BRAF: variants seen among roughly 807,000 people sequenced by gnomAD.
The protein encoded by BRAF is B-Raf proto-oncogene, serine/threonine kinase.
A neutral mutation model predicts 104.6 loss-of-function variants in BRAF; 16 were observed. The observed-to-expected ratio is 0.15, with a 90% CI of 0.10 to 0.23. BRAF has a LOEUF of 0.23. BRAF is among the 10% of genes least tolerant of loss of function. BRAF has a pLI of 1.00. For synonymous variants in BRAF, 310 were observed against 341.6 expected (o/e 0.91, Z 1.02); for missense variants, 541 against 937.3 (o/e 0.58, Z 5.52).
chr7:140,785,268 TTTAA>T (rs1239121292), intron 10 of BRAF, among the ~76,000 whole-genome samples: 1 of 152,146 alleles, frequency 6.6e-6, no homozygotes, highest in Non-Finnish European at 1.5e-5. Context: ...CCATTGACAC[TTTAA>T]TTTTCTTAAA....
chr7:140,787,129 G>A (rs1221118070), intron 9 of BRAF, among the ~76,000 whole-genome samples: 5 of 151,510 alleles, frequency 3.3e-5, no homozygotes, highest in African/African-American at 4.8e-5. Flanking sequence ...GTGAAACCCC[G>A]TCTCTACTAA....
intron 1 of BRAF, among the ~76,000 whole-genome samples, chr7:140,870,892 CTT>C (rs1226645825): frequency 5.5e-5 from 8 of 144,978 alleles, no homozygotes; most frequent in Non-Finnish European, 9.1e-5. Context: ...AAAAAAAAGA[CTT>C]TTAACAAATT....
intron 1 of BRAF, among the ~76,000 whole-genome samples, chr7:140,910,885 A>G (rs1816895315): frequency 6.6e-6 from 1 of 151,938 alleles, no homozygotes; most frequent in Non-Finnish European, 1.5e-5. Context: ...GGCTGATCTC[A>G]AAGTCCTGGC....
At chr7:140,772,362 T>A (rs1279181566) in intron 14 of BRAF, among the ~76,000 whole-genome samples, 1 of 152,072 alleles carries the variant, frequency 6.6e-6, no homozygotes. Context: ...GTGGCTTACA[T>A]CTGTAGTCCC....
intron 1 of BRAF, among the ~76,000 whole-genome samples, chr7:140,908,758 A>T (rs933213320): frequency 6.6e-6 from 1 of 152,132 alleles, no homozygotes. Context: ...GTCCCATCTA[A>T]AACTGAGGTT....
At chr7:140,742,118 T>A (rs942913662) in intron 17 of BRAF, among the ~76,000 whole-genome samples, 3 of 152,158 alleles carry the variant, frequency 2.0e-5, no homozygotes, top group Non-Finnish European at 2.9e-5. Context: ...TCTATAGTCT[T>A]TAAATTAGAG....
intron 5 of BRAF, among the ~76,000 whole-genome samples, chr7:140,805,394 C>A (rs1803557575): frequency 6.6e-6 from 1 of 152,030 alleles, no homozygotes. Context: ...ATTCACCAAA[C>A]CAAGTAGGTA....
intron 2 of BRAF, among the ~76,000 whole-genome samples, chr7:140,848,419 A>G (rs1207238542): frequency 6.6e-6 from 1 of 152,240 alleles, no homozygotes; most frequent in African/African-American, 2.4e-5. Flanking sequence ...GAGTTAAGCA[A>G]TAAAATACAT....
rs192279738 is a variant in BRAF, at chr7:140,901,018, C to A, written c.138+23548G>T. Among the ~76,000 whole-genome samples, 158 of 152,302 alleles carry A rather than the reference C, an allele frequency of 1.0e-3. 1 individual carries two copies. The highest frequency in any genetic ancestry group is 3.7e-3 in the African/African-American group (154 of 41,552). ...CCCTCTCTGCTCAGTTGGGTAACTG[C>A]TCTTTGGACAGCACTCAGCAGTAGA... On this transcript the variant is annotated intron_variant, in intron 1 of 19. Transcript: ENST00000644969.
intron 18 of BRAF, among the ~76,000 whole-genome samples, chr7:140,739,295 G>C (rs990137074): frequency 6.6e-6 from 1 of 152,140 alleles, no homozygotes; most frequent in South Asian, 2.1e-4. Flanking sequence ...ATTGCAATGT[G>C]AGTGCAAAAG....
chr7:140,828,749 T>C (rs1251436054), intron 3 of BRAF, among the ~76,000 whole-genome samples: 1 of 152,336 alleles, frequency 6.6e-6, no homozygotes, highest in East Asian at 1.9e-4. Context: ...GGTGCTTTTA[T>C]GTGCTAAATT....
At chr7:140,747,154 A>G (rs1046880563) in intron 17 of BRAF, among the ~76,000 whole-genome samples, 3 of 152,234 alleles carry the variant, frequency 2.0e-5, no homozygotes, top group African/African-American at 7.2e-5. Flanking sequence ...GAGGATGGCC[A>G]GAGTTAACCC....
rs11360482 is a variant in BRAF at position 140,739,519 on chromosome 7, T to TG, written c.2247+292dup. On this transcript the variant is annotated intron_variant, in intron 18 of 19. Transcript: ENST00000644969. ...AACTTATATAAACAAAAGCTCTTTG[T>TG]GGGGGGGGGGGTCTTCGATAATTTT... Among the ~76,000 whole-genome samples, 1,525 of 135,166 alleles carry TG rather than the reference T, an allele frequency of 0.011. 22 individuals are homozygous for TG. Among genetic ancestry groups the TG allele is most frequent in the East Asian group, 0.06 (256 of 4,238 alleles). 88.7% of individuals were successfully genotyped at this position (135,166 alleles called of 152,430 possible).
Position 140,721,439 on chromosome 7 carries a change from A to T in BRAF, c.*5055T>A. 2 of 1,255,810 alleles carry T rather than the reference A, an allele frequency of 1.6e-6. No individual in the cohort carries two copies. Among genetic ancestry groups the T allele is most frequent in the Non-Finnish European group, 2.0e-6 (2 of 1,001,166 alleles). 77.8% of individuals were successfully genotyped at this position (1,255,810 alleles called of 1,614,324 possible). ...AAATTAGAATTGAATTTCAATTTAAATGTCTTTGCCCAAACAAAAGTGAAA... is the reference window on the plus strand; with the variant it reads ...AAATTAGAATTGAATTTCAATTTAATTGTCTTTGCCCAAACAAAAGTGAAA... On this transcript the variant is annotated 3_prime_UTR_variant, in exon 20 of 20. Transcript: ENST00000644969.
intron 1 of BRAF, among the ~76,000 whole-genome samples, chr7:140,906,463 A>G (rs1816341024): frequency 6.6e-6 from 1 of 152,214 alleles, no homozygotes; most frequent in Non-Finnish European, 1.5e-5. Flanking sequence ...CAGCCTCTCA[A>G]AGTACCATGC....
At chr7:140,754,065 T>A (rs1189950139) in intron 15 of BRAF, 122 bp downstream of exon 14, 6 of 1,054,840 alleles carry the variant, frequency 5.7e-6, no homozygotes, top group Non-Finnish European at 8.8e-6. Context: ...AATCCTTTAT[T>A]AATTCTCTTT....
chr7:140,904,471 T>C (rs1286201432), intron 1 of BRAF, among the ~76,000 whole-genome samples: 1 of 152,182 alleles, frequency 6.6e-6, no homozygotes, highest in Non-Finnish European at 1.5e-5. Context: ...TCAAGAAACT[T>C]CGTATCTAAA....
At position 140,749,435 on chromosome 7, in the gene BRAF, A is replaced by T. The variant is rs1303449870; in HGVS notation, c.1981-17T>A. On this transcript the variant is annotated splice_polypyrimidine_tract_variant and intron_variant, in intron 16 of 19. Coordinates refer to ENST00000644969, the MANE Select transcript of BRAF (RefSeq NM_001374258.1). ...TTCTGGTGCCTGTTAGAACATACAA[A>T]GAAAAATATTCTTCACTTCAATTGA... 14 of 1,611,840 alleles carry T rather than the reference A, an allele frequency of 8.7e-6. No individual in the cohort carries two copies. In the African/African-American group the frequency reaches 1.3e-4, roughly 15 times the overall value.
At chr7:140,801,339 C>T in intron 6 of BRAF, 73 bp downstream of exon 6, 1 of 1,537,558 alleles carries the variant, frequency 6.5e-7, no homozygotes, top group Non-Finnish European at 8.9e-7. Context: ...GACTTTTAGA[C>T]ATCGTAGCTT....
Sources: gnomAD v4.1 joint callset for allele counts (sites outside exome capture counted in the v4.1 genomes callset) on GRCh38, gnomAD v4.1.1 for gene constraint, MANE v1.5 for transcripts, NCBI Gene and HGNC (gene_info 2026-07-23, HGNC 2026-07-21) for gene names.